Variants in MTAP observed in about 807,000 individuals in gnomAD.
MTAP encodes the protein methylthioadenosine phosphorylase, also known as S-methyl-5'-thioadenosine phosphorylase.
MTAP carries 33 observed loss-of-function variants against 33.6 expected under a neutral mutation model. That is an observed-to-expected ratio of 0.98 (90% CI 0.74 to 1.31). The LOEUF is 1.31. MTAP is among the 40% of genes most tolerant of loss of function. The pLI is 0.00. For synonymous variants in MTAP, 148 were observed against 125.7 expected (o/e 1.18, Z -1.19); for missense variants, 367 against 360.0 (o/e 1.02, Z -0.16).
At chr9:21,861,684 T>C in intron 7 of MTAP, 1 of 410,596 alleles carries the variant, frequency 2.4e-6, no homozygotes, top group South Asian at 3.2e-5. Context: ...GCATAAACAA[T>C]AATCCAGGCT....
intron 1 of MTAP, among the ~76,000 whole-genome samples, chr9:21,925,783 A>G (rs1818860514): frequency 6.6e-6 from 1 of 152,186 alleles, no homozygotes; most frequent in Admixed American, 6.5e-5. Context: ...GAACATTACT[A>G]TTGAAGGGAC....
intron 1 of MTAP, among the ~76,000 whole-genome samples, chr9:21,907,568 C>T (rs367922924): frequency 6.6e-6 from 1 of 151,614 alleles, no homozygotes; most frequent in Non-Finnish European, 1.5e-5. Flanking sequence ...AAAACAACAA[C>T]AAAAAAAATT....
At chr9:21,846,750 A>G (rs951590430) in intron 5 of MTAP, among the ~76,000 whole-genome samples, 17 of 152,356 alleles carry the variant, frequency 1.1e-4, no homozygotes, top group Admixed American at 2.6e-4. Context: ...AGAGGAAAAT[A>G]AGTCATTATA....
chr9:21,841,894 A>G (rs1825256883), intron 5 of MTAP, among the ~76,000 whole-genome samples: 1 of 152,180 alleles, frequency 6.6e-6, no homozygotes, highest in African/African-American at 2.4e-5. Context: ...AAAAGATCAC[A>G]CCAGCTCCCT....
At chr9:21,918,583 G>A (rs552395830) in intron 1 of MTAP, among the ~76,000 whole-genome samples, 1 of 152,038 alleles carries the variant, frequency 6.6e-6, no homozygotes, top group African/African-American at 2.4e-5. Context: ...ATGTGGTTTC[G>A]CTGCATCCTC....
intron 5 of MTAP, among the ~76,000 whole-genome samples, chr9:21,848,748 T>C (rs139658376): frequency 4.9e-4 from 75 of 152,312 alleles, no homozygotes; most frequent in African/African-American, 1.8e-3. Context: ...GTAATTGCTC[T>C]TCTCTGTATG....
At chr9:21,892,289 A>G (rs1254977453) in intron 1 of MTAP, 2 of 152,212 alleles carry the variant, frequency 1.3e-5, no homozygotes, top group Non-Finnish European at 2.9e-5. Context: ...CTTGAGTATA[A>G]ATGGGTTAAA....
At chr9:21,895,975 A>T (rs1346754832) in intron 1 of MTAP, among the ~76,000 whole-genome samples, 1 of 152,178 alleles carries the variant, frequency 6.6e-6, no homozygotes, top group African/African-American at 2.4e-5. Flanking sequence ...TCAGCACCAC[A>T]CTGCACCTAT....
chr9:21,863,238 C>T lies in MTAP; in HGVS notation c.*1224C>T, dbSNP rs754017326. The T allele has an allele frequency of 3.4e-5, 33 of 971,138 alleles. No homozygotes were observed. Among genetic ancestry groups the T allele is most frequent in the East Asian group, 1.1e-4 (1 of 8,764 alleles). The allele number at this position is 971,138 out of a possible 1,614,324, so 60.2% of individuals were successfully genotyped here. A position where few individuals can be genotyped will look rare whatever the true frequency, so the allele number is the denominator to read the frequency against. Reference sequence around the variant, plus strand: ...TTTTTATGAGTTAAATTATTTTATACGAGTTGGTAATTTTTGCTTTTTAAT... The same window carrying T: ...TTTTTATGAGTTAAATTATTTTATATGAGTTGGTAATTTTTGCTTTTTAAT... On this transcript the variant is annotated 3_prime_UTR_variant, in exon 8 of 8. Coordinates refer to ENST00000644715, the MANE Select transcript of MTAP (RefSeq NM_002451.4).
chr9:21,900,148 A>G (rs1818366312), intron 1 of MTAP, among the ~76,000 whole-genome samples: 1 of 152,188 alleles, frequency 6.6e-6, no homozygotes, highest in South Asian at 2.1e-4. Context: ...AGACTCCAAA[A>G]GCAATTGCAA....
At chr9:21,876,933 T>C in intron 1 of MTAP, among the ~76,000 whole-genome samples, 1 of 152,186 alleles carries the variant, frequency 6.6e-6, no homozygotes, top group East Asian at 1.9e-4. Flanking sequence ...GCATTCGACC[T>C]ATAAATTGCT....
intron 4 of MTAP, among the ~76,000 whole-genome samples, chr9:21,825,215 A>G (rs754817302): frequency 1.1e-4 from 16 of 152,066 alleles, no homozygotes; most frequent in Non-Finnish European, 2.1e-4. Context: ...TGTAGACTGG[A>G]GCTGTTCCTA....
intron 1 of MTAP, 193 bp downstream of exon 1, chr9:21,802,974 GCCGCACCGC>G (rs1824094086): frequency 1.1e-6 from 1 of 889,158 alleles, no homozygotes; most frequent in Admixed American, 7.2e-5. Context: ...TGATCCCCCT[GCCGCACCGC>G]CAACACACAC....
intron 1 of MTAP, among the ~76,000 whole-genome samples, chr9:21,885,139 G>A (rs1169903230): frequency 6.6e-6 from 1 of 151,942 alleles, no homozygotes; most frequent in Non-Finnish European, 1.5e-5. Context: ...CTGTCTATAT[G>A]TGTTACATCT....
At chr9:21,897,871 GA>G (rs1463019740) in intron 1 of MTAP, among the ~76,000 whole-genome samples, 1 of 151,976 alleles carries the variant, frequency 6.6e-6, no homozygotes, top group Non-Finnish European at 1.5e-5. Flanking sequence ...CACAGAATTG[GA>G]AAAAACTACT....
intron 4 of MTAP, among the ~76,000 whole-genome samples, chr9:21,824,870 G>A (rs1040971513): frequency 8.7e-5 from 13 of 149,054 alleles, no homozygotes; most frequent in African/African-American, 4.9e-5. Flanking sequence ...AGCAATAAGC[G>A]AGGCTCTGTG....
rs774032158 is a variant in MTAP, at chr9:21,818,116, A to G, written c.261A>G (p.Thr87=). The G allele has an allele frequency of 2.5e-6, 4 of 1,613,972 alleles. No individual in the cohort carries two copies. The South Asian group carries it at 4.4e-5, about 18-fold the overall frequency. Residue 87 remains threonine, a synonymous_variant, in exon 4 of 8, where the codon ACA becomes ACG. Transcript: ENST00000644715. Reference sequence around the variant, plus strand: ...GGGCTTTGAAGGAAGAGGGCTGTACACATGTCATAGTGACCACAGCTTGTG... The same window carrying G: ...GGGCTTTGAAGGAAGAGGGCTGTACGCATGTCATAGTGACCACAGCTTGTG... The part of the protein sequence containing the change: ...NIWALKEEGC[T]HVIVTTACGS...
At chr9:21,827,881 G>C (rs1824862634) in intron 4 of MTAP, among the ~76,000 whole-genome samples, 1 of 152,130 alleles carries the variant, frequency 6.6e-6, no homozygotes. Flanking sequence ...AAATAGAGTG[G>C]AATACAAAAC....
chr9:21,900,215 A>G (rs1455125136), intron 1 of MTAP, among the ~76,000 whole-genome samples: 3 of 152,226 alleles, frequency 2.0e-5, no homozygotes, highest in Non-Finnish European at 4.4e-5. Flanking sequence ...CTGCACAGCA[A>G]AAGAAACTAT....
Sources: allele counts gnomAD v4.1 joint callset (sites outside exome capture counted in the v4.1 genomes callset), GRCh38; gene constraint gnomAD v4.1.1; transcripts MANE v1.5; gene names NCBI Gene and HGNC (gene_info 2026-07-23, HGNC 2026-07-21).